The following CAST variants were observed in gnomAD, a reference collection of about 807,000 sequenced individuals.
CAST encodes the protein calpastatin, also known as MIR583 host.
In CAST, 76 loss-of-function variants were observed where a neutral mutation model predicts 119.6. The ratio of observed to expected loss-of-function variants is 0.64; its 90% CI spans 0.53 to 0.77. The LOEUF (loss-of-function observed/expected upper bound fraction) is 0.77, where lower values mean the gene tolerates loss of function less well. Among genes scored for constraint, CAST ranks in the 30% least tolerant of loss-of-function variants. CAST has a pLI of 0.00. For synonymous variants in CAST, 319 were observed against 331.6 expected (o/e 0.96, Z 0.41); for missense variants, 953 against 946.5 (o/e 1.01, Z -0.09).
upstream of CAST, chr5:96,529,736 T>C (rs1745657249): frequency 1.2e-5 from 5 of 405,578 alleles, no homozygotes; most frequent in Admixed American, 8.2e-5. Flanking sequence ...ATCCTTGTGA[T>C]AGTGAGTCAG....
At chr5:96,047,272 G>A in the CAST span, among the ~76,000 whole-genome samples, 1 of 152,064 alleles carries the variant, frequency 6.6e-6, no homozygotes, top group African/African-American at 2.4e-5. Context: ...CGTGGCAGGG[G>A]TACGTCTATA....
At chr5:96,271,652 GAA>G in the CAST span, among the ~76,000 whole-genome samples, 8 of 131,228 alleles carry the variant, frequency 6.1e-5, no homozygotes, top group African/African-American at 8.2e-5. Flanking sequence ...AAACCACTAG[GAA>G]AAAAAAAAAA....
chr5:96,768,643 T>C lies in CAST; in HGVS notation c.2268+644T>C, dbSNP rs958250369. On this transcript the variant is annotated intron_variant, in intron 29 of 31. Coordinates refer to ENST00000675179, the MANE Select transcript of CAST (RefSeq NM_001750.7). The stretch of plus-strand genomic sequence containing the variant: ...TCCACACTATATGGTTGTGCCACAA[T>C]AATGCTATGTCTGTGTTCATTTAAA... 1.5e-4 allele frequency among the ~76,000 whole-genome samples: 23 copies of C among 152,236 alleles called. 1 individual carries two copies. Among genetic ancestry groups the C allele is most frequent in the Admixed American group, 1.3e-3 (20 of 15,280 alleles).
the CAST span, among the ~76,000 whole-genome samples, chr5:96,422,283 TG>T: frequency 6.6e-6 from 1 of 152,242 alleles, no homozygotes; most frequent in African/African-American, 2.4e-5. Context: ...ATGAGAAAAT[TG>T]AGGCCCAGAG....
At chr5:96,201,857 CG>C in the CAST span, among the ~76,000 whole-genome samples, 1 of 151,978 alleles carries the variant, frequency 6.6e-6, no homozygotes, top group Admixed American at 6.6e-5. Flanking sequence ...CCATCTCCTA[CG>C]GTAGGTTGTT....
chr5:96,101,608 A>G, the CAST span, among the ~76,000 whole-genome samples: 1 of 152,112 alleles, frequency 6.6e-6, no homozygotes, highest in African/African-American at 2.4e-5. Flanking sequence ...CTTTTTCTTG[A>G]TCCCTTTGTC....
chr5:96,015,523 T>C, the CAST span, among the ~76,000 whole-genome samples: 265 of 152,270 alleles, frequency 1.7e-3, 1 homozygote, highest in African/African-American at 6.0e-3. Context: ...CTATAATATA[T>C]ATTCATTTAA....
the CAST span, among the ~76,000 whole-genome samples, chr5:96,365,372 A>T: frequency 6.6e-6 from 1 of 152,112 alleles, no homozygotes; most frequent in South Asian, 2.1e-4. Flanking sequence ...CAATTCCCAG[A>T]TATCCTTGTT....
At chr5:96,312,385 T>C in the CAST span, among the ~76,000 whole-genome samples, 4 of 152,118 alleles carry the variant, frequency 2.6e-5, no homozygotes, top group Non-Finnish European at 5.9e-5. Context: ...GTTGTATTTC[T>C]TGAGACCCCC....
chr5:96,528,429 T>G (rs1386301435), upstream of CAST, among the ~76,000 whole-genome samples: 2 of 152,016 alleles, frequency 1.3e-5, no homozygotes, highest in African/African-American at 4.8e-5. Context: ...CCCTCCTACT[T>G]GCATTTACAC....
chr5:96,450,991 G>C, the CAST span, among the ~76,000 whole-genome samples: 4,706 of 152,162 alleles, frequency 0.031, 217 homozygotes, highest in African/African-American at 0.1. Context: ...CTCCTCCTGG[G>C]ATGTCCTGCT....
the CAST span, among the ~76,000 whole-genome samples, chr5:96,244,528 C>T: frequency 6.6e-6 from 1 of 152,060 alleles, no homozygotes; most frequent in African/African-American, 2.4e-5. Flanking sequence ...ATCATCACCA[C>T]CAAAATTATA....
chr5:96,540,497 A>C (rs1229084195), intron 1 of CAST, among the ~76,000 whole-genome samples: 1 of 152,216 alleles, frequency 6.6e-6, no homozygotes, highest in East Asian at 1.9e-4. Context: ...ATAGTACAGA[A>C]AGCTCTCATA....
chr5:96,527,944 T>C (rs166374), upstream of CAST, among the ~76,000 whole-genome samples: 1 of 152,024 alleles, frequency 6.6e-6, no homozygotes, highest in African/African-American at 2.4e-5. Flanking sequence ...AAGAGTGGCG[T>C]CATTTCCAAG....
chr5:96,042,337 A>G, the CAST span, among the ~76,000 whole-genome samples: 23 of 152,296 alleles, frequency 1.5e-4, no homozygotes, highest in East Asian at 4.4e-3. Context: ...GTCTCTTGCA[A>G]TGGAAAAAGT....
the CAST span, among the ~76,000 whole-genome samples, chr5:96,435,291 T>C: frequency 1.3e-5 from 2 of 152,202 alleles, no homozygotes; most frequent in African/African-American, 2.4e-5. Context: ...TGGAGCACCA[T>C]AGAAGCCTGG....
At chr5:96,517,796 T>C in the CAST span, among the ~76,000 whole-genome samples, 1 of 152,230 alleles carries the variant, frequency 6.6e-6, no homozygotes, top group African/African-American at 2.4e-5. Context: ...TCATTCACAT[T>C]GGCATCTACC....
At chr5:96,726,525 G>A (rs1759274520) in intron 4 of CAST, among the ~76,000 whole-genome samples, 1 of 152,038 alleles carries the variant, frequency 6.6e-6, no homozygotes, top group Non-Finnish European at 1.5e-5. Context: ...CTTTACACAG[G>A]GAAAGGAAAG....
chr5:95,980,699 C>G, the CAST span, among the ~76,000 whole-genome samples: 480 of 152,122 alleles, frequency 3.2e-3, 1 homozygote, highest in Non-Finnish European at 5.3e-3. Context: ...GTGACTAAGC[C>G]CTCACGTCAC....
Sources: gnomAD v4.1 joint callset for allele counts (sites outside exome capture counted in the v4.1 genomes callset) on GRCh38, gnomAD v4.1.1 for gene constraint, MANE v1.5 for transcripts, NCBI Gene and HGNC (gene_info 2026-07-23, HGNC 2026-07-21) for gene names.